The following FOXP2 variants were observed in gnomAD, a reference collection of about 807,000 sequenced individuals.
The protein encoded by FOXP2 is forkhead box P2.
In FOXP2, 12 loss-of-function variants were observed where a neutral mutation model predicts 115.8. The observed-to-expected ratio is 0.10, with a 90% CI of 0.07 to 0.17. FOXP2 has a LOEUF of 0.17. Ranked by LOEUF, FOXP2 falls within the 10% of genes least tolerant of loss-of-function variation. FOXP2 has a pLI of 1.00. For missense variants in FOXP2, 629 were observed against 843.5 expected (o/e 0.75, Z 3.15); for synonymous variants, 328 against 297.7 (o/e 1.10, Z -1.05).
chr7:114,166,660 G>A (rs2061960533), intron 1 of FOXP2, among the ~76,000 whole-genome samples: 1 of 152,080 alleles, frequency 6.6e-6, no homozygotes, highest in Non-Finnish European at 1.5e-5. Context: ...AACCAAGATT[G>A]CGCCACTGCA....
At chr7:114,646,837 TA>T (rs1449184437) in intron 8 of FOXP2, among the ~76,000 whole-genome samples, 8 of 152,020 alleles carry the variant, frequency 5.3e-5, no homozygotes, top group Non-Finnish European at 1.0e-4. Context: ...AAAAAAAGTT[TA>T]TTTAGCATCT....
At chr7:114,414,793 G>A, upstream of FOXP2, 1 of 298,182 alleles carries the variant, frequency 3.4e-6, no homozygotes, top group Non-Finnish European at 6.6e-6. Flanking sequence ...TCCTAATAAG[G>A]GAAGCAAGAA....
At chr7:114,441,018 T>G (rs1429645612) in intron 2 of FOXP2, among the ~76,000 whole-genome samples, 1 of 152,238 alleles carries the variant, frequency 6.6e-6, no homozygotes, top group Non-Finnish European at 1.5e-5. Flanking sequence ...TGCACAGGCT[T>G]GGGCAGATTA....
chr7:114,375,612 C>T (rs1488354289), intron 2 of FOXP2, among the ~76,000 whole-genome samples: 1 of 152,170 alleles, frequency 6.6e-6, no homozygotes, highest in African/African-American at 2.4e-5. Flanking sequence ...GTAAGGAAGG[C>T]TCATCTTCAC....
chr7:114,092,003 A>G (rs966844543), intron 1 of FOXP2, among the ~76,000 whole-genome samples: 1 of 152,038 alleles, frequency 6.6e-6, no homozygotes, highest in African/African-American at 2.4e-5. Flanking sequence ...TAAGTATAAT[A>G]TGTTATACAG....
intron 3 of FOXP2, among the ~76,000 whole-genome samples, chr7:114,559,004 C>T (rs1320236606): frequency 6.6e-6 from 1 of 151,644 alleles, no homozygotes; most frequent in African/African-American, 2.4e-5. Flanking sequence ...CTTTCACTCT[C>T]CAAATGTTCA....
intron 1 of FOXP2, among the ~76,000 whole-genome samples, chr7:114,135,853 T>G (rs985424432): frequency 6.6e-6 from 1 of 152,122 alleles, no homozygotes; most frequent in African/African-American, 2.4e-5. Context: ...GTGAATTTCC[T>G]TCCTAGTTCT....
chr7:114,532,958 G>C (rs561579975), intron 2 of FOXP2, among the ~76,000 whole-genome samples: 33 of 152,044 alleles, frequency 2.2e-4, no homozygotes, highest in Admixed American at 1.2e-3. Context: ...TGAATAAAAA[G>C]TTTCAAATAG....
chr7:114,353,012 T>C (rs1201733111), intron 2 of FOXP2, among the ~76,000 whole-genome samples: 5 of 152,124 alleles, frequency 3.3e-5, no homozygotes, highest in Non-Finnish European at 5.9e-5. Context: ...TGTAATGAGA[T>C]TGGGCTTTGG....
intron 1 of FOXP2, among the ~76,000 whole-genome samples, chr7:114,227,352 GAA>G (rs1170941158): frequency 6.6e-6 from 1 of 151,940 alleles, no homozygotes; most frequent in East Asian, 1.9e-4. Context: ...TATGGAAAAA[GAA>G]AGTTTTATGC....
At chr7:114,245,379 T>C (rs1795256071) in intron 1 of FOXP2, among the ~76,000 whole-genome samples, 2 of 152,202 alleles carry the variant, frequency 1.3e-5, no homozygotes, top group African/African-American at 4.8e-5. Flanking sequence ...TTCAGCAGTT[T>C]TTTTGTGGTA....
rs79164176 is a variant in FOXP2, at chr7:114,463,254, G to T, written c.168+36575G>T. ...AATGATTAGTATATGTAGAAATTTC[G>T]GAGGAGAAAACTATATTTGAAGAAA... is the stretch of plus-strand genomic sequence containing the variant. On this transcript the variant is annotated intron_variant, in intron 2 of 16. Transcript: ENST00000350908. 695 of 215,094 alleles carry T rather than the reference G, an allele frequency of 3.2e-3. 8 individuals are homozygous for T. Among genetic ancestry groups the T allele is most frequent in the African/African-American group, 0.015 (646 of 42,368 alleles). 13.3% of individuals were successfully genotyped at this position (215,094 alleles called of 1,614,324 possible). A position where few individuals can be genotyped will look rare whatever the true frequency, so the allele number is the denominator to read the frequency against.
At chr7:114,210,651 G>A (rs1381731761) in intron 1 of FOXP2, among the ~76,000 whole-genome samples, 1 of 152,168 alleles carries the variant, frequency 6.6e-6, no homozygotes, top group Admixed American at 6.5e-5. Context: ...GTTTAAAGAA[G>A]CAGTCTGGCT....
chr7:114,124,426 T>C (rs1365481538), intron 1 of FOXP2, among the ~76,000 whole-genome samples: 1 of 152,044 alleles, frequency 6.6e-6, no homozygotes, highest in Non-Finnish European at 1.5e-5. Context: ...TTCAAATTCT[T>C]TTTTGGGAGG....
chr7:114,141,783 G>T (rs1271977735), intron 1 of FOXP2, among the ~76,000 whole-genome samples: 2 of 152,158 alleles, frequency 1.3e-5, no homozygotes, highest in African/African-American at 4.8e-5. Context: ...GCCAGTGCAT[G>T]GCACATCCCT....
intron 2 of FOXP2, among the ~76,000 whole-genome samples, chr7:114,335,064 G>A (rs1210812551): frequency 6.7e-6 from 1 of 149,834 alleles, no homozygotes; most frequent in Non-Finnish European, 1.5e-5. Flanking sequence ...CAAAATACTG[G>A]GTGATGAGTT....
intron 1 of FOXP2, among the ~76,000 whole-genome samples, chr7:114,118,459 C>CTT (rs77145524): frequency 7.0e-5 from 10 of 142,472 alleles, no homozygotes; most frequent in East Asian, 4.1e-4. Flanking sequence ...GGATACCCCC[C>CTT]TTTTTTTTTT....
intron 3 of FOXP2, among the ~76,000 whole-genome samples, chr7:114,573,993 T>A (rs992586659): frequency 6.6e-6 from 1 of 151,808 alleles, no homozygotes; most frequent in Non-Finnish European, 1.5e-5. Context: ...TTTTCTGGTG[T>A]CTTGGCTTAT....
intron 3 of FOXP2, among the ~76,000 whole-genome samples, chr7:114,596,101 A>G (rs1802685283): frequency 6.8e-6 from 1 of 146,832 alleles, no homozygotes; most frequent in Non-Finnish European, 1.5e-5. Flanking sequence ...ATCAAAACAC[A>G]GTGATTAAAA....
Sources: gnomAD v4.1 joint callset for allele counts (sites outside exome capture counted in the v4.1 genomes callset) on GRCh38, gnomAD v4.1.1 for gene constraint, MANE v1.5 for transcripts, NCBI Gene and HGNC (gene_info 2026-07-23, HGNC 2026-07-21) for gene names.